RASGRP3: variants seen among roughly 807,000 people sequenced by gnomAD.
RASGRP3 encodes RAS guanyl releasing protein 3.
Under a neutral mutation model 82.7 loss-of-function variants are expected in RASGRP3, and 54 were observed. That is an observed-to-expected ratio of 0.65 (90% CI 0.52 to 0.82). RASGRP3 has a LOEUF of 0.82. Ranked by LOEUF, RASGRP3 falls within the 40% of genes least tolerant of loss-of-function variation. The pLI is 0.00. For synonymous variants in RASGRP3, 309 were observed against 300.5 expected (o/e 1.03, Z -0.29); for missense variants, 861 against 828.9 (o/e 1.04, Z -0.48).
At chr2:33,511,515 T>TA (rs913747378) in intron 1 of RASGRP3, among the ~76,000 whole-genome samples, 195 bp from the exon 2 acceptor site, 10 of 151,904 alleles carry the variant, frequency 6.6e-5, no homozygotes, top group Non-Finnish European at 1.2e-4. Flanking sequence ...TTACTTGATT[T>TA]AAAAAAAAAT....
rs771052774 is a variant in RASGRP3 at position 33,537,320 on chromosome 2, A to ACACACCAC, written c.1162-1773_1162-1772insACACCACC. ...GTCTCTAAAATACACACACACACACACCGCCCCCCCCACACACACACACAA... is the reference window on the plus strand; with the variant it reads ...GTCTCTAAAATACACACACACACACACACACCACCCGCCCCCCCCACACACACACACAA... On this transcript the variant is annotated intron_variant, in intron 11 of 17. Transcript: ENST00000403687. 2.1e-3 allele frequency among the ~76,000 whole-genome samples: 69 copies of ACACACCAC among 33,310 alleles called. 3 individuals carry two copies. The Admixed American group carries it at 0.023, about 11-fold the overall frequency. The allele number at this position is 33,310 out of a possible 152,430, so 21.9% of individuals were successfully genotyped here.
intron 2 of RASGRP3, among the ~76,000 whole-genome samples, chr2:33,470,799 A>G (rs77619345): frequency 6.6e-6 from 1 of 152,128 alleles, no homozygotes; most frequent in Non-Finnish European, 1.5e-5. Flanking sequence ...TTGTATATTT[A>G]TTTGTAACTG....
chr2:33,438,476 C>T (rs904057195), intron 1 of RASGRP3, among the ~76,000 whole-genome samples: 6 of 151,502 alleles, frequency 4.0e-5, no homozygotes, highest in Non-Finnish European at 8.8e-5. Flanking sequence ...GCAGAAGAAT[C>T]GCTTGAACCC....
intron 1 of RASGRP3, among the ~76,000 whole-genome samples, chr2:33,508,849 C>G (rs770283649): frequency 3.9e-5 from 6 of 152,248 alleles, no homozygotes; most frequent in Middle Eastern, 6.8e-3. Flanking sequence ...ATCATCTACC[C>G]ATGTCATGTT....
At chr2:33,480,203 C>T (rs530943822) in intron 1 of RASGRP3, among the ~76,000 whole-genome samples, 13 of 151,980 alleles carry the variant, frequency 8.6e-5, no homozygotes, top group East Asian at 5.8e-4. Flanking sequence ...CCACCATGCC[C>T]GGCTAATTTT....
chr2:33,504,838 T>C (rs867880113), intron 1 of RASGRP3, among the ~76,000 whole-genome samples: 22 of 152,194 alleles, frequency 1.4e-4, no homozygotes, highest in South Asian at 4.1e-4. Flanking sequence ...ATTTTACTTA[T>C]GCAGTTGTTA....
chr2:33,450,758 A>G (rs1179899541), intron 2 of RASGRP3, among the ~76,000 whole-genome samples: 1 of 143,944 alleles, frequency 6.9e-6, no homozygotes, highest in African/African-American at 2.6e-5. Context: ...GCTGAAGTAT[A>G]TGATAGTTCT....
Position 33,519,586 on chromosome 2 carries a change from A to G in RASGRP3, c.174-366A>G, listed in dbSNP as rs544597587. Reference sequence around the variant, plus strand: ...CGTGCCACTGCACTCCAGCCTGGGCAACAGAGCGAGACTCCATCTCAAAAC... The same window carrying G: ...CGTGCCACTGCACTCCAGCCTGGGCGACAGAGCGAGACTCCATCTCAAAAC... On this transcript the variant is annotated intron_variant, in intron 4 of 17. Coordinates refer to ENST00000403687, the MANE Select transcript of RASGRP3 (RefSeq NM_001139488.2). Among the ~76,000 whole-genome samples, 10 of 152,300 alleles carry G rather than the reference A, an allele frequency of 6.6e-5. No individual in the cohort carries two copies. In the East Asian group the frequency reaches 7.7e-4, roughly 12 times the overall value.
intron 1 of RASGRP3, among the ~76,000 whole-genome samples, chr2:33,441,880 A>G (rs2150872904): frequency 6.6e-6 from 1 of 152,350 alleles, no homozygotes; most frequent in South Asian, 2.1e-4. Flanking sequence ...ACTATTCATA[A>G]CAGATACATT....
intron 2 of RASGRP3, among the ~76,000 whole-genome samples, chr2:33,470,317 C>CT (rs1467586212): frequency 6.6e-6 from 1 of 151,568 alleles, no homozygotes; most frequent in Non-Finnish European, 1.5e-5. Context: ...AGGTTATTCA[C>CT]TTTTTTTATT....
intron 2 of RASGRP3, among the ~76,000 whole-genome samples, chr2:33,452,902 G>A (rs999747022): frequency 1.4e-4 from 21 of 152,188 alleles, no homozygotes; most frequent in Admixed American, 8.5e-4. Context: ...CTTATCCACA[G>A]GTGCTAGCCT....
intron 9 of RASGRP3, among the ~76,000 whole-genome samples, chr2:33,526,398 C>T (rs926286901): frequency 2.0e-5 from 3 of 152,130 alleles, no homozygotes; most frequent in South Asian, 4.1e-4. Flanking sequence ...ACAGAAGTAC[C>T]GTTGTTTGAC....
At position 33,543,555 on chromosome 2, in the gene RASGRP3, C is replaced by G; in HGVS notation, c.1322C>G (p.Ser441Cys). The G allele has an allele frequency of 6.2e-7, 1 of 1,611,624 alleles. No homozygotes were observed. The highest frequency in any genetic ancestry group is 1.3e-5 in the African/African-American group (1 of 75,012). The change falls in exon 13 of 18, where the codon TCC becomes TGC. Residue 441 changes from serine to cysteine, a missense_variant. Physicochemically the swap from Ser to Cys is moderately radical, Grantham distance 112. Transcript: ENST00000403687. The part of the protein sequence containing the change: ...NYDHDHDGYI[S>C]QEDFESIAAN... ...GATCACGACCATGATGGGTACATTT[C>G]CCAAGAGGACTTTGAAAGTATAGCT...
intron 2 of RASGRP3, among the ~76,000 whole-genome samples, chr2:33,468,658 CCAAAGTG>C (rs1480054977): frequency 6.6e-6 from 1 of 152,116 alleles, no homozygotes; most frequent in Non-Finnish European, 1.5e-5. Context: ...CCTCGGCCTC[CCAAAGTG>C]CTGGGATTAC....
intron 1 of RASGRP3, among the ~76,000 whole-genome samples, chr2:33,495,584 A>G (rs1669235377): frequency 6.6e-6 from 1 of 152,140 alleles, no homozygotes; most frequent in African/African-American, 2.4e-5. Context: ...AATGAGTGAA[A>G]TGAATTAGGA....
At chr2:33,548,469 T>C (rs17013312) in intron 13 of RASGRP3, among the ~76,000 whole-genome samples, 18,809 of 151,390 alleles carry the variant, frequency 0.12, 1,271 homozygotes, top group African/African-American at 0.17. Flanking sequence ...TGAGCGTATT[T>C]GTGAACGGAG....
intron 1 of RASGRP3, among the ~76,000 whole-genome samples, chr2:33,439,921 G>C (rs750324032): frequency 3.9e-5 from 6 of 152,196 alleles, no homozygotes; most frequent in Admixed American, 6.5e-5. Context: ...CGAGGCCTGG[G>C]TTCTGATGAA....
At chr2:33,521,815 C>G in intron 6 of RASGRP3, 140 bp from the exon 7 acceptor site, 1 of 1,049,562 alleles carries the variant, frequency 9.5e-7, no homozygotes, top group Non-Finnish European at 1.4e-6. Context: ...GTGGTTTTCT[C>G]TTCCAATATG....
intron 2 of RASGRP3, among the ~76,000 whole-genome samples, chr2:33,448,539 A>G (rs1665619403): frequency 6.6e-6 from 1 of 152,224 alleles, no homozygotes; most frequent in African/African-American, 2.4e-5. Flanking sequence ...TGAAAACATC[A>G]TGCTAAGTGA....
Sources: allele counts gnomAD v4.1 joint callset (sites outside exome capture counted in the v4.1 genomes callset), GRCh38; gene constraint gnomAD v4.1.1; transcripts MANE v1.5; gene names NCBI Gene and HGNC (gene_info 2026-07-23, HGNC 2026-07-21).